The following PRIM2 variants were observed in gnomAD, a reference collection of about 807,000 sequenced individuals.
PRIM2 encodes DNA primase subunit 2.
In PRIM2, 39 loss-of-function variants were observed where a neutral mutation model predicts 67.3. The observed-to-expected ratio is 0.58, with a 90% CI of 0.45 to 0.76. The LOEUF (loss-of-function observed/expected upper bound fraction) is 0.76, where lower values mean the gene tolerates loss of function less well. PRIM2 is among the 30% of genes least tolerant of loss of function. The pLI, the probability that PRIM2 is intolerant of heterozygous loss-of-function variation, is 0.00. For synonymous variants in PRIM2, 143 were observed against 198.7 expected (o/e 0.72, Z 2.36); for missense variants, 398 against 598.7 (o/e 0.66, Z 3.50).
intron 7 of PRIM2, among the ~76,000 whole-genome samples, chr6:57,489,511 C>T (rs1442814629): frequency 3.3e-5 from 5 of 152,218 alleles, no homozygotes; most frequent in South Asian, 2.1e-4. Context: ...GAGCCGAGAT[C>T]GTTCCACTGC....
At chr6:57,342,278 T>G (rs1768518869) in intron 5 of PRIM2, among the ~76,000 whole-genome samples, 1 of 152,224 alleles carries the variant, frequency 6.6e-6, no homozygotes, top group African/African-American at 2.4e-5. Context: ...GTAAATAAAT[T>G]GGATTTTAAA....
At chr6:57,362,760 G>T (rs907656709) in intron 5 of PRIM2, among the ~76,000 whole-genome samples, 4 of 152,082 alleles carry the variant, frequency 2.6e-5, no homozygotes, top group South Asian at 4.1e-4. Flanking sequence ...GCACCAAAAG[G>T]TTATTGCAGA....
intron 7 of PRIM2, among the ~76,000 whole-genome samples, chr6:57,505,018 A>G (rs1377175826): frequency 6.6e-6 from 1 of 152,210 alleles, no homozygotes; most frequent in Non-Finnish European, 1.5e-5. Flanking sequence ...AGTGGATGTA[A>G]GTAGTAACTA....
At chr6:57,502,719 A>G (rs1404569536) in intron 7 of PRIM2, among the ~76,000 whole-genome samples, 6 of 152,166 alleles carry the variant, frequency 3.9e-5, no homozygotes, top group Non-Finnish European at 5.9e-5. Context: ...CAGAATGGCC[A>G]TCCGGCAGGC....
At chr6:57,465,360 T>G (rs1356956894) in intron 7 of PRIM2, among the ~76,000 whole-genome samples, 6 of 152,210 alleles carry the variant, frequency 3.9e-5, no homozygotes, top group Non-Finnish European at 8.8e-5. Flanking sequence ...TCCATTCTGC[T>G]GAAGTTAGGC....
chr6:57,448,126 C>G (rs56190254), intron 7 of PRIM2, among the ~76,000 whole-genome samples: 1 of 152,084 alleles, frequency 6.6e-6, no homozygotes, highest in Non-Finnish European at 1.5e-5. Context: ...CAGTGCCGAT[C>G]TTTATTTATT....
chr6:57,280,481 C>T, the PRIM2 span, among the ~76,000 whole-genome samples: 2 of 152,006 alleles, frequency 1.3e-5, no homozygotes, highest in Non-Finnish European at 1.5e-5. Context: ...GTCCTTCCCC[C>T]AGCTTCCCAG....
At chr6:57,513,398 T>C (rs1289171200) in intron 8 of PRIM2, among the ~76,000 whole-genome samples, 1 of 148,772 alleles carries the variant, frequency 6.7e-6, no homozygotes, top group East Asian at 2.0e-4. Context: ...ATTATCTCAC[T>C]TATAAATATG....
chr6:57,546,396 C>T (rs1342050275), intron 10 of PRIM2, among the ~76,000 whole-genome samples: 13 of 152,114 alleles, frequency 8.5e-5, no homozygotes, highest in South Asian at 6.2e-4. Context: ...TAGAGTGGAT[C>T]GTGTTAGAGA....
intron 5 of PRIM2, among the ~76,000 whole-genome samples, chr6:57,365,550 A>G (rs1278730637): frequency 6.6e-6 from 1 of 152,188 alleles, no homozygotes; most frequent in East Asian, 1.9e-4. Context: ...CATCACACAG[A>G]ATATTTATTT....
intron 10 of PRIM2, among the ~76,000 whole-genome samples, chr6:57,596,445 C>T (rs1277825107): frequency 6.6e-6 from 1 of 151,570 alleles, no homozygotes; most frequent in Non-Finnish European, 1.5e-5. Flanking sequence ...AAAATCGGAT[C>T]AGTAGTTGCT....
intron 10 of PRIM2, among the ~76,000 whole-genome samples, chr6:57,542,033 T>A (rs1775170601): frequency 6.8e-6 from 1 of 146,590 alleles, no homozygotes; most frequent in South Asian, 2.2e-4. Context: ...TGGAGTGCAG[T>A]GGCGCAGTCT....
chr6:57,616,995 T>C (rs1284890662), intron 12 of PRIM2, among the ~76,000 whole-genome samples: 48,812 of 152,136 alleles, frequency 0.32, 7,801 homozygotes, highest in East Asian at 0.44. Flanking sequence ...ACATTTTGTT[T>C]ATCCATTCGT....
intron 13 of PRIM2, among the ~76,000 whole-genome samples, chr6:57,642,372 T>G (rs1185119283): frequency 6.6e-6 from 1 of 150,380 alleles, no homozygotes; most frequent in Non-Finnish European, 1.5e-5. Flanking sequence ...TTAAGTATAA[T>G]TTAAAAAATA....
intron 7 of PRIM2, among the ~76,000 whole-genome samples, chr6:57,479,257 G>T (rs1178930693): frequency 6.6e-6 from 1 of 152,192 alleles, no homozygotes; most frequent in Non-Finnish European, 1.5e-5. Flanking sequence ...TTGTGTGTTG[G>T]TTGATAATTC....
chr6:57,537,339 T>C, intron 9 of PRIM2, 101 bp from the exon 10 acceptor site: 1 of 582,328 alleles, frequency 1.7e-6, no homozygotes, highest in South Asian at 4.9e-5. Flanking sequence ...TGGTGTTTTT[T>C]TTTTATTCCA....
At chr6:57,479,804 C>T (rs1773571098) in intron 7 of PRIM2, among the ~76,000 whole-genome samples, 1 of 152,134 alleles carries the variant, frequency 6.6e-6, no homozygotes, top group South Asian at 2.1e-4. Context: ...ACTACTTTGC[C>T]TTTTGTAAAT....
intron 7 of PRIM2, among the ~76,000 whole-genome samples, chr6:57,461,361 G>C (rs1356514849): frequency 6.6e-6 from 1 of 152,094 alleles, no homozygotes; most frequent in Non-Finnish European, 1.5e-5. Context: ...GATAAACCTT[G>C]TAGTTCAGGA....
intron 3 of PRIM2, 109 bp downstream of exon 3, chr6:57,320,669 T>C (rs1767624361): frequency 1.5e-6 from 1 of 645,754 alleles, no homozygotes; most frequent in Non-Finnish European, 2.6e-6. Flanking sequence ...TAAAGACTAA[T>C]GTATCATTAG....
Sources: gnomAD v4.1 joint callset for allele counts (sites outside exome capture counted in the v4.1 genomes callset) on GRCh38, gnomAD v4.1.1 for gene constraint, MANE v1.5 for transcripts, NCBI Gene and HGNC (gene_info 2026-07-23, HGNC 2026-07-21) for gene names.